KDM2B: variants seen among roughly 807,000 people sequenced by gnomAD.
The protein encoded by KDM2B is lysine demethylase 2B, also known as lysine-specific demethylase 2B.
Under a neutral mutation model 150.0 loss-of-function variants are expected in KDM2B, and 26 were observed. The observed-to-expected ratio is 0.17, with a 90% CI of 0.13 to 0.24. The LOEUF (loss-of-function observed/expected upper bound fraction) is 0.24, where lower values mean the gene tolerates loss of function less well. Among genes scored for constraint, KDM2B ranks in the 10% least tolerant of loss-of-function variants. The pLI is 1.00. For missense variants in KDM2B, 1,265 were observed against 1,816.9 expected (o/e 0.70, Z 5.52); for synonymous variants, 734 against 729.5 (o/e 1.01, Z -0.10).
intron 8 of KDM2B, among the ~76,000 whole-genome samples, chr12:121,525,371 A>T (rs1035475052): frequency 5.9e-5 from 9 of 151,974 alleles, no homozygotes; most frequent in African/African-American, 2.2e-4. Context: ...GGTTCAAGCC[A>T]TTCTCCTGCC....
intron 12 of KDM2B, among the ~76,000 whole-genome samples, chr12:121,488,740 C>G (rs9668621): frequency 0.79 from 120,717 of 152,006 alleles, 48,713 homozygotes; most frequent in East Asian, 0.93. Flanking sequence ...TCCTGCCTCA[C>G]CCTTCCGAGT....
chr12:121,501,563 T>C (rs1884550993), intron 11 of KDM2B, among the ~76,000 whole-genome samples: 2 of 152,142 alleles, frequency 1.3e-5, no homozygotes. Flanking sequence ...CTTTTATTTC[T>C]GACTTCTGGC....
chr12:121,559,391 T>C (rs1008711704), intron 4 of KDM2B, among the ~76,000 whole-genome samples: 45 of 152,128 alleles, frequency 3.0e-4, no homozygotes, highest in Admixed American at 7.9e-4. Context: ...GTCAGTTCTG[T>C]TGGGCACCTG....
intron 4 of KDM2B, among the ~76,000 whole-genome samples, chr12:121,559,554 C>A (rs1890181354): frequency 6.6e-6 from 1 of 151,970 alleles, no homozygotes; most frequent in South Asian, 2.1e-4. Context: ...ACAGAGGGGA[C>A]CAGGGAGGCA....
rs1555307353 is a variant in KDM2B at position 121,528,855 on chromosome 12, T to C, written c.931+3951A>G. Among the ~76,000 whole-genome samples, 3 of 152,184 alleles carry C rather than the reference T, an allele frequency of 2.0e-5. No individual in the cohort carries two copies. In the East Asian group the frequency reaches 5.8e-4, roughly 29 times the overall value. On this transcript the variant is annotated intron_variant, in intron 8 of 22. Coordinates refer to ENST00000377071, the MANE Select transcript of KDM2B (RefSeq NM_032590.5). ...TTACAGTGAGCTGAGATCGTGCCAC[T>C]GCACTCCAGCTTGGGTAACAAGAGT...
At chr12:121,441,509 T>C (rs1194385626) in intron 19 of KDM2B, among the ~76,000 whole-genome samples, 2 of 152,148 alleles carry the variant, frequency 1.3e-5, no homozygotes, top group Non-Finnish European at 2.9e-5. Context: ...CAATCTCTGC[T>C]CACCACAACC....
chr12:121,445,155 A>T, intron 14 of KDM2B, 120 bp downstream of exon 14: 1 of 1,216,616 alleles, frequency 8.2e-7, no homozygotes, highest in Non-Finnish European at 1.2e-6. Flanking sequence ...AGGATCACCC[A>T]GACTCAGGGG....
chr12:121,516,969 G>A, intron 9 of KDM2B: 1 of 626,566 alleles, frequency 1.6e-6, no homozygotes, highest in South Asian at 1.9e-5. Context: ...AGATTCAGTG[G>A]CTGTAAGGGA....
intron 12 of KDM2B, among the ~76,000 whole-genome samples, chr12:121,455,809 C>T (rs1878143107): frequency 6.6e-6 from 1 of 152,224 alleles, no homozygotes. Context: ...CCAAGTCCAC[C>T]ACACACTACA....
chr12:121,467,870 C>G lies in KDM2B; in HGVS notation c.1735-14526G>C, dbSNP rs1216952975. The G allele has an allele frequency of 6.6e-6, 1 of 152,324 alleles. No individual in the cohort carries two copies. The highest frequency in any genetic ancestry group is 1.5e-5 in the Non-Finnish European group (1 of 68,162). The allele number at this position is 152,324 out of a possible 1,614,324, so 9.4% of individuals were successfully genotyped here. On this transcript the variant is annotated intron_variant, in intron 12 of 22. Coordinates refer to ENST00000377071, the MANE Select transcript of KDM2B (RefSeq NM_032590.5). This position sits in a 1 kb window ranked among gnomAD's most constrained non-coding sequence, Gnocchi z 5.1. ...CTGCAGGACCAGGACCTGAAGCGCA[C>G]GAACCCGGGAACCCCCGACCCAGAG...
chr12:121,520,859 T>C lies in KDM2B; in HGVS notation c.1047+126A>G. The C allele has an allele frequency of 3.8e-5, 15 of 392,578 alleles. No homozygotes were observed. The highest frequency in any genetic ancestry group is 1.3e-4 in the South Asian group (6 of 46,688). The allele number at this position is 392,578 out of a possible 1,614,324, so 24.3% of individuals were successfully genotyped here. A position where few individuals can be genotyped will look rare whatever the true frequency, so the allele number is the denominator to read the frequency against. ...CCACAGAACCAGGACTGAAGCCAGC[T>C]TGAGAGAGGAATCGGGAGGGAGAGG... is the stretch of plus-strand genomic sequence containing the variant. On this transcript the variant is annotated intron_variant, in intron 9 of 22. Coordinates refer to ENST00000377071, the MANE Select transcript of KDM2B (RefSeq NM_032590.5). The surrounding 1 kb of genome is among the most constrained non-coding windows in gnomAD (Gnocchi z 4.5).
intron 9 of KDM2B, among the ~76,000 whole-genome samples, chr12:121,514,470 A>G (rs1439867152): frequency 6.6e-6 from 1 of 151,616 alleles, no homozygotes; most frequent in African/African-American, 2.4e-5. Flanking sequence ...ATGGGAAGGA[A>G]ACAACGCCAC....
chr12:121,561,630 C>G (rs1357044522), intron 4 of KDM2B, among the ~76,000 whole-genome samples: 7 of 152,146 alleles, frequency 4.6e-5, no homozygotes, highest in African/African-American at 1.7e-4. Context: ...TCAATGTGCC[C>G]GGAACCACAC....
At chr12:121,434,604 TAATA>T (rs1277931297) in intron 22 of KDM2B, among the ~76,000 whole-genome samples, 4 of 151,278 alleles carry the variant, frequency 2.6e-5, no homozygotes, top group East Asian at 1.9e-4. Flanking sequence ...TTCAATGAAG[TAATA>T]AATAATCTTT....
Position 121,453,363 on chromosome 12 carries a change from G to C in KDM2B, c.1735-19C>G. ...CCCGGTTCTGCAGGGGAACAGACAC[G>C]ACTGGTCAGATGGGGAGACTGCAGG... On this transcript the variant is annotated intron_variant, in intron 12 of 22. Coordinates refer to ENST00000377071, the MANE Select transcript of KDM2B (RefSeq NM_032590.5). The surrounding 1 kb of genome is among the most constrained non-coding windows in gnomAD (Gnocchi z 6.4). 1.3e-6 allele frequency: 2 copies of C among 1,540,128 alleles called. No homozygotes were observed. The highest frequency in any genetic ancestry group is 1.8e-6 in the Non-Finnish European group (2 of 1,139,612).
chr12:121,430,627 C>T lies in KDM2B; in HGVS notation c.3830-158G>A. On this transcript the variant is annotated intron_variant, in intron 22 of 22. Coordinates refer to ENST00000377071, the MANE Select transcript of KDM2B (RefSeq NM_032590.5). The surrounding 1 kb of genome is among the most constrained non-coding windows in gnomAD (Gnocchi z 4.4). The stretch of plus-strand genomic sequence containing the variant: ...ATAAAATGTTATTTGCTTAAAATCT[C>T]TCTTCTTCAAACGGGGAAGGGTCTC... 1.6e-6 allele frequency: 1 copy of T among 617,352 alleles called. No individual in the cohort carries two copies. Among genetic ancestry groups the T allele is most frequent in the Non-Finnish European group, 2.9e-6 (1 of 347,730 alleles). 38.2% of individuals were successfully genotyped at this position (617,352 alleles called of 1,614,324 possible). A position where few individuals can be genotyped will look rare whatever the true frequency, so the allele number is the denominator to read the frequency against.
intron 12 of KDM2B, among the ~76,000 whole-genome samples, chr12:121,461,917 G>A (rs1418653821): frequency 6.6e-6 from 1 of 152,224 alleles, no homozygotes; most frequent in African/African-American, 2.4e-5. Context: ...TGGCCAGAAA[G>A]GCCAGACAAG....
In KDM2B at chr12:121,549,851, CCA is replaced by C. The variant is rs879966106; in HGVS notation, c.398-215_398-214del. Among the ~76,000 whole-genome samples, 7,362 of 152,268 alleles carry C rather than the reference CCA, an allele frequency of 0.048. 313 individuals are homozygous for C. The highest frequency in any genetic ancestry group is 0.15 in the South Asian group (701 of 4,826). ...TCCCTGCACCACCATGGCCTCCACGCCAGTCTGCGATGACCTCAAAAGCTACC... is the reference window on the plus strand; with the variant it reads ...TCCCTGCACCACCATGGCCTCCACGCGTCTGCGATGACCTCAAAAGCTACC... On this transcript the variant is annotated intron_variant, in intron 4 of 22. Transcript: ENST00000377071. This position sits in a 1 kb window ranked among gnomAD's most constrained non-coding sequence, Gnocchi z 4.4.
At chr12:121,490,872 A>T (rs1309707964) in intron 12 of KDM2B, among the ~76,000 whole-genome samples, 1 of 152,116 alleles carries the variant, frequency 6.6e-6, no homozygotes, top group Non-Finnish European at 1.5e-5. Context: ...ATTTCTTGCT[A>T]ATCATCACTT....
Sources: allele counts gnomAD v4.1 joint callset (sites outside exome capture counted in the v4.1 genomes callset), GRCh38; gene constraint gnomAD v4.1.1; non-coding constraint Gnocchi (gnomAD v3.1); transcripts MANE v1.5; gene names NCBI Gene and HGNC (gene_info 2026-07-23, HGNC 2026-07-21).